SIAH1: variants seen among roughly 807,000 people sequenced by gnomAD.
The protein encoded by SIAH1 is siah E3 ubiquitin protein ligase 1.
SIAH1 carries 2 observed loss-of-function variants against 20.0 expected under a neutral mutation model. That is an observed-to-expected ratio of 0.10 (90% CI 0.04 to 0.31). The LOEUF (loss-of-function observed/expected upper bound fraction) is 0.31, where lower values mean the gene tolerates loss of function less well. SIAH1 is among the 10% of genes least tolerant of loss of function. SIAH1 has a pLI of 1.00. For synonymous variants in SIAH1, 118 were observed against 125.3 expected (o/e 0.94, Z 0.39); for missense variants, 119 against 355.3 (o/e 0.33, Z 5.35).
Position 48,362,356 on chromosome 16 carries a change from G to A in SIAH1, c.73C>T (p.Leu25=), listed in dbSNP as rs751008367. The A allele has an allele frequency of 4.3e-6, 7 of 1,614,086 alleles. No individual in the cohort carries two copies. In the East Asian group the frequency reaches 1.1e-4, roughly 26 times the overall value. ...KCPPSQRVPA[L]TGTTASNNDL... Reference sequence around the variant, plus strand: ...TTGTTGGATGCAGTTGTGCCAGTCAGGGCAGGCACCCTCTGGGATGGTGGA... The same window carrying A: ...TTGTTGGATGCAGTTGTGCCAGTCAAGGCAGGCACCCTCTGGGATGGTGGA... The change falls in exon 2 of 2, where the codon CTG becomes TTG. Residue 25 remains leucine, a synonymous_variant. Transcript: ENST00000394725. The surrounding 1 kb of genome is among the most constrained non-coding windows in gnomAD (Gnocchi z 4.2).
rs949773923 is a variant in SIAH1 at position 48,361,490 on chromosome 16, A to G, written c.*90T>C. On this transcript the variant is annotated 3_prime_UTR_variant, in exon 2 of 2. Transcript: ENST00000394725. ...TCATGTGTCTAGCTTCCACCTACCG[A>G]AAGAGTTTTAGGTTGGCAGACAGAT... 3.0e-6 allele frequency: 4 copies of G among 1,353,648 alleles called. No homozygotes were observed. The highest frequency in any genetic ancestry group is 1.2e-5 in the South Asian group (1 of 84,304). 83.9% of individuals were successfully genotyped at this position (1,353,648 alleles called of 1,614,324 possible).
chr16:48,372,991 C>A (rs561943368), intron 1 of SIAH1, among the ~76,000 whole-genome samples: 1 of 152,334 alleles, frequency 6.6e-6, no homozygotes, highest in South Asian at 2.1e-4. Context: ...ACCGACTTCA[C>A]ATACTCTTGG....
intron 1 of SIAH1, among the ~76,000 whole-genome samples, chr16:48,382,314 T>G (rs370161930): frequency 2.0e-5 from 3 of 152,050 alleles, no homozygotes; most frequent in African/African-American, 7.2e-5. Context: ...TTGAGCCCAG[T>G]TGGAGGCCAC....
At position 48,379,895 on chromosome 16, in the gene SIAH1, G is replaced by A. The variant is rs74017948; in HGVS notation, c.-3+5309C>T. Among the ~76,000 whole-genome samples the A allele has an allele frequency of 5.5e-3, 842 of 152,250 alleles. 6 individuals carry two copies. Among genetic ancestry groups the A allele is most frequent in the African/African-American group, 0.019 (790 of 41,560 alleles). The stretch of plus-strand genomic sequence containing the variant: ...AACAAGAGAGGCCAGCTCAGGAGAG[G>A]CTATGTACTTACGAACCATATCAAG... On this transcript the variant is annotated intron_variant, in intron 1 of 1. Transcript: ENST00000394725.
chr16:48,374,908 G>A (rs767796149), intron 1 of SIAH1, among the ~76,000 whole-genome samples: 15 of 152,312 alleles, frequency 9.8e-5, no homozygotes, highest in Middle Eastern at 3.4e-3. Context: ...ATGCACATGT[G>A]ATGGGGGCAA....
At chr16:48,374,424 G>T (rs896822375) in intron 1 of SIAH1, among the ~76,000 whole-genome samples, 3 of 152,138 alleles carry the variant, frequency 2.0e-5, no homozygotes, top group Non-Finnish European at 4.4e-5. Flanking sequence ...CAACTATCTC[G>T]AAAGTGTTGA....
intron 1 of SIAH1, among the ~76,000 whole-genome samples, chr16:48,379,475 A>T (rs1961203988): frequency 6.6e-6 from 1 of 152,230 alleles, no homozygotes; most frequent in East Asian, 1.9e-4. Flanking sequence ...AGGCTAGAGA[A>T]GTTTGTAAGA....
intron 1 of SIAH1, among the ~76,000 whole-genome samples, chr16:48,380,944 A>AAAAAAAAAAAAAAAC (rs1567377283): frequency 1.3e-5 from 2 of 150,038 alleles, no homozygotes; most frequent in African/African-American, 4.9e-5. Flanking sequence ...AAAAAAAAAA[A>AAAAAAAAAAAAAAAC]AGAACGGCTA....
At chr16:48,378,758 A>G (rs1311737266) in intron 1 of SIAH1, among the ~76,000 whole-genome samples, 1 of 151,886 alleles carries the variant, frequency 6.6e-6, no homozygotes, top group Admixed American at 6.6e-5. Context: ...TCTCTCTACT[A>G]CCCATTTGCT....
chr16:48,364,650 A>G (rs1202399714), intron 1 of SIAH1, among the ~76,000 whole-genome samples: 1 of 152,200 alleles, frequency 6.6e-6, no homozygotes, highest in Non-Finnish European at 1.5e-5. Context: ...TACATATGAC[A>G]TCCATTTTAT....
chr16:48,361,959 G>C lies in SIAH1; in HGVS notation c.470C>G (p.Thr157Ser). 6.2e-7 allele frequency: 1 copy of C among 1,614,156 alleles called. No individual in the cohort carries two copies. The highest frequency in any genetic ancestry group is 1.3e-5 in the African/African-American group (1 of 75,028). Residue 157 changes from threonine (T) to serine (S), a missense_variant, in exon 2 of 2, where the codon ACC (threonine) becomes AGC (serine). Physicochemically the swap from Thr to Ser is moderately conservative, Grantham distance 58 (BLOSUM62 1). Around this residue, in one of 2 missense-constraint regions of SIAH1, gnomAD observed 84 missense variants for 307.8 expected, o/e 0.27. Coordinates refer to ENST00000394725, the MANE Select transcript of SIAH1 (RefSeq NM_003031.4). ...HLMHQHKSIT[T>S]LQGEDIVFLA... The stretch of plus-strand genomic sequence containing the variant: ...AAAAACTATATCCTCTCCCTGTAGG[G>C]TTGTAATGGACTTATGCTGATGCAT...
intron 1 of SIAH1, among the ~76,000 whole-genome samples, chr16:48,381,697 G>A (rs1039185269): frequency 6.6e-6 from 1 of 152,186 alleles, no homozygotes; most frequent in African/African-American, 2.4e-5. Flanking sequence ...ATGACATTCT[G>A]GAAAAGGCAA....
At chr16:48,379,005 G>A (rs960295395) in intron 1 of SIAH1, among the ~76,000 whole-genome samples, 41 of 152,176 alleles carry the variant, frequency 2.7e-4, no homozygotes, top group African/African-American at 8.2e-4. Flanking sequence ...GAAGGTAAGT[G>A]GTAATATTTA....
At chr16:48,384,923 GC>G (rs1228698687) in intron 1 of SIAH1, among the ~76,000 whole-genome samples, 1 of 145,208 alleles carries the variant, frequency 6.9e-6, no homozygotes, top group African/African-American at 2.5e-5. Flanking sequence ...CCCGCCCTCG[GC>G]CCGGCCGCGC....
At chr16:48,365,875 C>A in intron 1 of SIAH1, 2 of 1,242,116 alleles carry the variant, frequency 1.6e-6, no homozygotes, top group Admixed American at 3.9e-5. Context: ...TGAGCCAGCT[C>A]AAGAGTTACT....
At chr16:48,366,277 C>T (rs1317002224) in intron 1 of SIAH1, among the ~76,000 whole-genome samples, 1 of 152,152 alleles carries the variant, frequency 6.6e-6, no homozygotes, top group African/African-American at 2.4e-5. Context: ...ACTGGCGCTA[C>T]GCTCCAGGTT....
Position 48,380,268 on chromosome 16 carries a change from G to A in SIAH1, c.-3+4936C>T, listed in dbSNP as rs1398555581. ...AGGCTGGCCAACATGGCGAAACCCC[G>A]TCTCTACTAAATATACAAAAATTAG... is the stretch of plus-strand genomic sequence containing the variant. On this transcript the variant is annotated intron_variant, in intron 1 of 1. Transcript: ENST00000394725. 5.9e-5 allele frequency among the ~76,000 whole-genome samples: 9 copies of A among 151,838 alleles called. 1 individual carries two copies. The highest frequency in any genetic ancestry group is 1.3e-4 in the Admixed American group (2 of 15,250).
chr16:48,382,252 T>C (rs1318695981), intron 1 of SIAH1, among the ~76,000 whole-genome samples: 2 of 152,214 alleles, frequency 1.3e-5, no homozygotes, highest in East Asian at 3.9e-4. Flanking sequence ...CCCAGTGTGA[T>C]GGCACATGCT....
At chr16:48,364,314 C>A (rs1249259084) in intron 1 of SIAH1, among the ~76,000 whole-genome samples, 1 of 152,122 alleles carries the variant, frequency 6.6e-6, no homozygotes, top group East Asian at 1.9e-4. Context: ...TTGCAAGGAA[C>A]TTTTAAGAAG....
Sources: gnomAD v4.1 joint callset for allele counts (sites outside exome capture counted in the v4.1 genomes callset) on GRCh38, gnomAD v4.1.1 for gene constraint, gnomAD v4.1.1 regional missense constraint, Gnocchi (gnomAD v3.1) non-coding constraint, MANE v1.5 for transcripts, NCBI Gene and HGNC (gene_info 2026-07-23, HGNC 2026-07-21) for gene names.